The following TBC1D5 variants were observed in gnomAD, a reference collection of about 807,000 sequenced individuals.
TBC1D5 encodes TBC1 domain family, member 5.
A neutral mutation model predicts 100.3 loss-of-function variants in TBC1D5; 75 were observed. That is an observed-to-expected ratio of 0.75 (90% CI 0.62 to 0.91). The LOEUF (loss-of-function observed/expected upper bound fraction) is 0.91, where lower values mean the gene tolerates loss of function less well. Ranked by LOEUF, TBC1D5 falls within the 40% of genes least tolerant of loss-of-function variation. TBC1D5 has a pLI of 0.00. For missense variants in TBC1D5, 910 were observed against 942.4 expected, an observed-to-expected ratio of 0.97 and a Z score of 0.45; for synonymous variants, 323 against 325.6, an observed-to-expected ratio of 0.99 and a Z score of 0.09.
chr3:17,423,414 A>G (rs546711212), intron 4 of TBC1D5, among the ~76,000 whole-genome samples: 86 of 152,236 alleles, frequency 5.6e-4, no homozygotes, highest in African/African-American at 2.0e-3. Flanking sequence ...TTAACTAAAA[A>G]CATACACAGA....
In TBC1D5 at chr3:17,667,686, A is replaced by C. The variant is rs559726624; in HGVS notation, c.-100-43773T>G. Reference sequence around the variant, plus strand: ...AGGCTGGTCTCAAACTCGTGGGCTCAAGCTATCTACCCGCCTCAACCTCCC... The same window carrying C: ...AGGCTGGTCTCAAACTCGTGGGCTCCAGCTATCTACCCGCCTCAACCTCCC... On this transcript the variant is annotated intron_variant, in intron 1 of 21. Transcript: ENST00000253692. Among the ~76,000 whole-genome samples the C allele has an allele frequency of 1.2e-4, 18 of 152,212 alleles. No homozygotes were observed. In the South Asian group the frequency reaches 1.5e-3, roughly 12 times the overall value.
chr3:17,666,801 G>A (rs2067309702), intron 1 of TBC1D5, among the ~76,000 whole-genome samples: 1 of 151,986 alleles, frequency 6.6e-6, no homozygotes, highest in African/African-American at 2.4e-5. Context: ...CTGATTCTGG[G>A]TGGAATGACT....
chr3:17,383,974 T>C lies in TBC1D5; in HGVS notation c.551A>G (p.Lys184Arg), dbSNP rs866747263. The change falls in exon 9 of 22, where the codon AAA (lysine) becomes AGA (arginine). Residue 184 changes from lysine to arginine, a missense_variant. Physicochemically the swap from Lys to Arg is conservative, Grantham distance 26. Coordinates refer to ENST00000253692, the Ensembl canonical transcript of TBC1D5. ...ACAGAAAAGAACATCTGTAAGAATT[T>C]TTCTCACATTTTCTTGCTGGAAAAA... 12 of 1,599,974 alleles carry C rather than the reference T, an allele frequency of 7.5e-6. No homozygotes were observed. In the African/African-American group the frequency reaches 1.2e-4, roughly 16 times the overall value.
intron 1 of TBC1D5, among the ~76,000 whole-genome samples, chr3:17,674,860 T>C (rs1024506722): frequency 6.6e-6 from 1 of 152,026 alleles, no homozygotes; most frequent in Non-Finnish European, 1.5e-5. Context: ...ATGAGTTCAT[T>C]TGAGTGAAAA....
chr3:17,736,460 A>C (rs2076972930), intron 1 of TBC1D5, among the ~76,000 whole-genome samples: 1 of 152,008 alleles, frequency 6.6e-6, no homozygotes, highest in South Asian at 2.1e-4. Context: ...TTACCTTTAG[A>C]CTCTTGTTCC....
intron 3 of TBC1D5, among the ~76,000 whole-genome samples, chr3:17,508,173 C>A (rs2095863224): frequency 6.6e-6 from 1 of 152,140 alleles, no homozygotes; most frequent in Non-Finnish European, 1.5e-5. Flanking sequence ...AGATGTTCGA[C>A]CAAGGCCCTT....
chr3:17,327,907 GT>G (rs1302001106), intron 13 of TBC1D5, among the ~76,000 whole-genome samples: 2 of 151,996 alleles, frequency 1.3e-5, no homozygotes, highest in Non-Finnish European at 2.9e-5. Flanking sequence ...TTGAATAATT[GT>G]TCTTAGCTTT....
intron 3 of TBC1D5, among the ~76,000 whole-genome samples, chr3:17,433,776 C>G (rs1173819183): frequency 6.6e-6 from 1 of 152,106 alleles, no homozygotes; most frequent in Non-Finnish European, 1.5e-5. Context: ...CTGAGAAAGG[C>G]AAGTCCCTTC....
chr3:17,640,478 G>A lies in TBC1D5; in HGVS notation c.-100-16565C>T, dbSNP rs866049560. Reference sequence around the variant, plus strand: ...AAATATCAATTTCCTCTTAAAAGAAGAATTATTTTAGAACTTGAAAGTTAG... The same window carrying A: ...AAATATCAATTTCCTCTTAAAAGAAAAATTATTTTAGAACTTGAAAGTTAG... On this transcript the variant is annotated intron_variant, in intron 1 of 21. Coordinates refer to ENST00000253692, the Ensembl canonical transcript of TBC1D5. Among the ~76,000 whole-genome samples the A allele has an allele frequency of 3.5e-3, 529 of 151,956 alleles. 3 individuals carry two copies. Among genetic ancestry groups the A allele is most frequent in the African/African-American group, 0.012 (501 of 41,490 alleles).
chr3:17,557,217 G>A lies in TBC1D5; in HGVS notation c.-35-48612C>T, dbSNP rs9827555. The stretch of plus-strand genomic sequence containing the variant: ...TAATAAAAATTAAGAAATTTTCCAC[G>A]AACAATCTTAGAAACAAGATAGCTA... On this transcript the variant is annotated intron_variant, in intron 2 of 21. Transcript: ENST00000253692. Among the ~76,000 whole-genome samples, 146 of 152,050 alleles carry A rather than the reference G, an allele frequency of 9.6e-4. 1 individual carries two copies. The highest frequency in any genetic ancestry group is 3.3e-3 in the African/African-American group (137 of 41,478).
At chr3:17,209,410 C>T (rs1314931789) in intron 18 of TBC1D5, among the ~76,000 whole-genome samples, 1 of 152,214 alleles carries the variant, frequency 6.6e-6, no homozygotes, top group African/African-American at 2.4e-5. Context: ...CTCAGCCTCC[C>T]TAAGTGTTGG....
chr3:17,340,518 C>G (rs1192714100), intron 13 of TBC1D5: 1 of 152,200 alleles, frequency 6.6e-6, no homozygotes, highest in Non-Finnish European at 1.5e-5. Context: ...TTTCACTGGC[C>G]TCTGTACTAT....
At chr3:17,215,334 C>A (rs2073505109) in intron 17 of TBC1D5, among the ~76,000 whole-genome samples, 1 of 152,044 alleles carries the variant, frequency 6.6e-6, no homozygotes, top group South Asian at 2.1e-4. Context: ...TTGGACAAAA[C>A]TGACTGGATT....
chr3:17,285,164 C>A (rs1444454647), intron 15 of TBC1D5, among the ~76,000 whole-genome samples: 2 of 151,070 alleles, frequency 1.3e-5, no homozygotes, highest in Middle Eastern at 3.4e-3. Context: ...TCTGAATAGA[C>A]CGTCTGCTGG....
Position 17,275,630 on chromosome 3 carries a change from A to G in TBC1D5, c.1245+16265T>C, listed in dbSNP as rs186182526. On this transcript the variant is annotated intron_variant, in intron 15 of 21. Coordinates refer to ENST00000253692, the Ensembl canonical transcript of TBC1D5. ...ATTATATCCCTTGTATGATTAATAT[A>G]TATCTAACAAAAGAAGATGTCATAT... Among the ~76,000 whole-genome samples the G allele has an allele frequency of 6.6e-5, 10 of 152,320 alleles. No homozygotes were observed. In the East Asian group the frequency reaches 1.9e-3, roughly 29 times the overall value.
At chr3:17,584,970 C>T (rs889998860) in intron 2 of TBC1D5, among the ~76,000 whole-genome samples, 9 of 151,958 alleles carry the variant, frequency 5.9e-5, no homozygotes, top group African/African-American at 1.7e-4. Context: ...TTTATTTTTT[C>T]GACAGAGATG....
At chr3:17,568,956 A>G (rs2096609708) in intron 2 of TBC1D5, among the ~76,000 whole-genome samples, 1 of 151,734 alleles carries the variant, frequency 6.6e-6, no homozygotes, top group Admixed American at 6.6e-5. Flanking sequence ...ATACCACATA[A>G]GATGTGCTTT....
At chr3:17,227,101 C>T (rs924626163) in intron 17 of TBC1D5, among the ~76,000 whole-genome samples, 4 of 152,082 alleles carry the variant, frequency 2.6e-5, no homozygotes, top group Non-Finnish European at 5.9e-5. Context: ...TAACCTACAA[C>T]CCTAGGTAGC....
At chr3:17,640,460 A>G (rs1038787934) in intron 1 of TBC1D5, among the ~76,000 whole-genome samples, 1 of 152,064 alleles carries the variant, frequency 6.6e-6, no homozygotes. Flanking sequence ...CCAAAATATC[A>G]ATTTCCTCTT....
Sources: allele counts gnomAD v4.1 joint callset (sites outside exome capture counted in the v4.1 genomes callset), GRCh38; gene constraint gnomAD v4.1.1; transcripts MANE v1.5; gene names NCBI Gene and HGNC (gene_info 2026-07-23, HGNC 2026-07-21).